CDH6: variants seen among roughly 807,000 people sequenced by gnomAD.
CDH6 encodes cadherin-6.
Under a neutral mutation model 78.0 loss-of-function variants are expected in CDH6, and 31 were observed. The observed-to-expected ratio is 0.40, with a 90% confidence interval of 0.30 to 0.54. CDH6 has a LOEUF of 0.54. Ranked by LOEUF, CDH6 falls within the 20% of genes least tolerant of loss-of-function variation. CDH6 has a pLI of 0.56. For synonymous variants in CDH6, 376 were observed against 368.8 expected (o/e 1.02, Z -0.23); for missense variants, 724 against 975.9 (o/e 0.74, Z 3.44).
At chr5:31,272,004 T>C (rs1446119823) in intron 2 of CDH6, among the ~76,000 whole-genome samples, 2 of 152,220 alleles carry the variant, frequency 1.3e-5, no homozygotes, top group Non-Finnish European at 2.9e-5. Context: ...CCAATCGTGA[T>C]AACAGAATGT....
intron 2 of CDH6, among the ~76,000 whole-genome samples, chr5:31,285,626 T>G (rs921655836): frequency 1.3e-5 from 2 of 152,344 alleles, no homozygotes; most frequent in East Asian, 3.9e-4. Flanking sequence ...TATTTTATTA[T>G]GAAATAATGT....
At chr5:31,252,329 G>T (rs536514788) in intron 1 of CDH6, among the ~76,000 whole-genome samples, 1,166 of 24,236 alleles carry the variant, frequency 0.048, 11 homozygotes, top group Non-Finnish European at 0.066. Context: ...TGTGTGTGTG[G>T]TGTGTGTGTG....
At chr5:31,308,982 G>A (rs975211306) in intron 7 of CDH6, among the ~76,000 whole-genome samples, 1 of 151,812 alleles carries the variant, frequency 6.6e-6, no homozygotes, top group Non-Finnish European at 1.5e-5. Context: ...TTTCCTTTTT[G>A]TAATTAACGA....
In CDH6 at chr5:31,229,189, G is replaced by A. The variant is rs72749653; in HGVS notation, c.-129+35303G>A. ...TCTCCAAAACCTGAGTCCGATCAAG[G>A]TGAAGAGACTCAGTCAGTGATAAAG... On this transcript the variant is annotated intron_variant, in intron 1 of 11. Coordinates refer to ENST00000265071, the MANE Select transcript of CDH6 (RefSeq NM_004932.4). Among the ~76,000 whole-genome samples, 390 of 152,282 alleles carry A rather than the reference G, an allele frequency of 2.6e-3. 2 individuals carry two copies. Among genetic ancestry groups the A allele is most frequent in the Non-Finnish European group, 2.9e-3 (198 of 68,036 alleles).
At chr5:31,293,805 T>C (rs1031001818) in intron 2 of CDH6, among the ~76,000 whole-genome samples, 157 bp from the exon 3 acceptor site, 1 of 151,398 alleles carries the variant, frequency 6.6e-6, no homozygotes, top group African/African-American at 2.4e-5. Context: ...GAATGGTATT[T>C]ACCATTAAGA....
chr5:31,198,651 T>G (rs1051030091), intron 1 of CDH6, among the ~76,000 whole-genome samples: 1 of 152,110 alleles, frequency 6.6e-6, no homozygotes, highest in Non-Finnish European at 1.5e-5. Flanking sequence ...CTTGGGGAAG[T>G]GTCCAAGTGA....
At chr5:31,279,575 AT>A (rs1228263355) in intron 2 of CDH6, among the ~76,000 whole-genome samples, 2 of 152,050 alleles carry the variant, frequency 1.3e-5, no homozygotes, top group Non-Finnish European at 2.9e-5. Flanking sequence ...GCCTCAAAAA[AT>A]ATATATATAA....
intron 1 of CDH6, among the ~76,000 whole-genome samples, chr5:31,264,701 T>G (rs1455207689): frequency 6.6e-6 from 1 of 152,186 alleles, no homozygotes; most frequent in Non-Finnish European, 1.5e-5. Context: ...GTAATTCAAT[T>G]ACATATATTA....
At chr5:31,290,456 A>T (rs575693732) in intron 2 of CDH6, among the ~76,000 whole-genome samples, 36 of 152,310 alleles carry the variant, frequency 2.4e-4, no homozygotes, top group Non-Finnish European at 4.6e-4. Context: ...AACTTAATGG[A>T]ACAGCCACAT....
intron 2 of CDH6, among the ~76,000 whole-genome samples, chr5:31,289,856 GAA>G (rs1743108222): frequency 6.6e-6 from 1 of 152,082 alleles, no homozygotes. Context: ...GTGTCCCCAG[GAA>G]ACCACAACAC....
chr5:31,240,983 T>C (rs899741167), intron 1 of CDH6, among the ~76,000 whole-genome samples: 5 of 152,246 alleles, frequency 3.3e-5, no homozygotes, highest in Non-Finnish European at 7.3e-5. Context: ...CAGTGTCATA[T>C]GTAATCTAAA....
Position 31,322,963 on chromosome 5 carries a change from C to G in CDH6, c.2028C>G (p.Thr676=), listed in dbSNP as rs757005899. Residue 676 remains threonine (T), a synonymous_variant, in exon 12 of 12, where the codon ACC becomes ACG. Coordinates refer to ENST00000265071, the MANE Select transcript of CDH6 (RefSeq NM_004932.4). ...EEDTQAFDIG[T]LRNPEAIEDN... ...ACACCCAGGCTTTTGATATCGGCACCCTGAGGAATCCTGAAGCCATAGAGG... is the reference window on the plus strand; with the variant it reads ...ACACCCAGGCTTTTGATATCGGCACGCTGAGGAATCCTGAAGCCATAGAGG... The G allele has an allele frequency of 6.2e-6, 10 of 1,613,928 alleles. No individual in the cohort carries two copies. The East Asian group carries it at 8.9e-5, about 14-fold the overall frequency.
intron 2 of CDH6, among the ~76,000 whole-genome samples, chr5:31,288,043 C>G (rs540236814): frequency 6.6e-6 from 1 of 152,328 alleles, no homozygotes; most frequent in South Asian, 2.1e-4. Flanking sequence ...TTCTCATCAG[C>G]CTGGTGGAAA....
chr5:31,267,308 A>G lies in CDH6; in HGVS notation c.-128-38A>G, dbSNP rs1742389205. 5 of 580,446 alleles carry G rather than the reference A, an allele frequency of 8.6e-6. No individual in the cohort carries two copies. In the South Asian group the frequency reaches 1.2e-4, roughly 14 times the overall value. The allele number at this position is 580,446 out of a possible 1,614,324, so 36.0% of individuals were successfully genotyped here. A position where few individuals can be genotyped will look rare whatever the true frequency, so the allele number is the denominator to read the frequency against. On this transcript the variant is annotated intron_variant, in intron 1 of 11. Coordinates refer to ENST00000265071, the MANE Select transcript of CDH6 (RefSeq NM_004932.4). ...TTTGCTCTAACACTGAATTTTAAGC[A>G]TCTCTAAAAATGCTTGTTATGTTAT...
chr5:31,252,344 T>TGTGTGTGTGTGTGTGC (rs755276733), intron 1 of CDH6, among the ~76,000 whole-genome samples: 4 of 151,982 alleles, frequency 2.6e-5, no homozygotes, highest in Non-Finnish European at 5.9e-5. Context: ...TGTGTGTGTG[T>TGTGTGTGTGTGTGTGC]GTGTGTGTAT....
intron 7 of CDH6, among the ~76,000 whole-genome samples, chr5:31,306,337 A>G (rs1368741373): frequency 6.6e-6 from 1 of 152,182 alleles, no homozygotes; most frequent in Non-Finnish European, 1.5e-5. Context: ...CTTTCCTTAC[A>G]CCTTAGTTGT....
intron 7 of CDH6, among the ~76,000 whole-genome samples, chr5:31,310,163 C>T (rs1435227811): frequency 6.6e-6 from 1 of 152,094 alleles, no homozygotes; most frequent in African/African-American, 2.4e-5. Context: ...TAGTTACTTC[C>T]ATACAATGGG....
chr5:31,195,084 TAA>T (rs542544543), intron 1 of CDH6, among the ~76,000 whole-genome samples: 1 of 144,066 alleles, frequency 6.9e-6, no homozygotes. Flanking sequence ...CTACTCCCAT[TAA>T]AAAAAAAAAA....
chr5:31,219,805 T>C (rs1290935013), intron 1 of CDH6, among the ~76,000 whole-genome samples: 2 of 152,180 alleles, frequency 1.3e-5, no homozygotes, highest in Non-Finnish European at 2.9e-5. Context: ...AATGAATTAG[T>C]TAAAATGTTA....
Sources: allele counts gnomAD v4.1 joint callset (sites outside exome capture counted in the v4.1 genomes callset), GRCh38; gene constraint gnomAD v4.1.1; transcripts MANE v1.5; gene names NCBI Gene and HGNC (gene_info 2026-07-23, HGNC 2026-07-21).